Variants in NCAM1 observed in about 807,000 individuals in gnomAD.
NCAM1 encodes the protein neural cell adhesion molecule 1, also known as antigen recognized by monoclonal antibody 5.1H11.
In NCAM1, 14 loss-of-function variants were observed where a neutral mutation model predicts 109.8. That is an observed-to-expected ratio of 0.13 (90% CI 0.08 to 0.20). NCAM1 has a LOEUF of 0.20. Ranked by LOEUF, NCAM1 falls within the 10% of genes least tolerant of loss-of-function variation. The pLI, the probability that NCAM1 is intolerant of heterozygous loss-of-function variation, is 1.00. For synonymous variants in NCAM1, 418 were observed against 442.9 expected, an observed-to-expected ratio of 0.94 and a Z score of 0.70; for missense variants, 774 against 1,109.9, an observed-to-expected ratio of 0.70 and a Z score of 4.30.
intron 17 of NCAM1, among the ~76,000 whole-genome samples, chr11:113,268,843 T>C (rs912933004): frequency 6.6e-6 from 1 of 151,826 alleles, no homozygotes; most frequent in South Asian, 2.1e-4. Flanking sequence ...GCGAGCTGGG[T>C]TGGGAGTGGG....
At chr11:113,180,905 G>A (rs905522698) in intron 1 of NCAM1, among the ~76,000 whole-genome samples, 1 of 152,196 alleles carries the variant, frequency 6.6e-6, no homozygotes, top group African/African-American at 2.4e-5. Flanking sequence ...ACCATGCTGC[G>A]TCCCAGAGAT....
chr11:113,010,679 G>A (rs1216319018), intron 1 of NCAM1, among the ~76,000 whole-genome samples: 2 of 152,124 alleles, frequency 1.3e-5, no homozygotes, highest in Non-Finnish European at 2.9e-5. Flanking sequence ...AAAGTCAGTT[G>A]GCGAGAGTAC....
intron 14 of NCAM1, among the ~76,000 whole-genome samples, chr11:113,237,170 C>A (rs1945191014): frequency 6.6e-6 from 1 of 152,092 alleles, no homozygotes; most frequent in Non-Finnish European, 1.5e-5. Context: ...TGTGGTTTGA[C>A]CCCATTAGCC....
At chr11:113,029,708 T>C (rs1013703824) in intron 1 of NCAM1, among the ~76,000 whole-genome samples, 12 of 152,222 alleles carry the variant, frequency 7.9e-5, no homozygotes, top group Non-Finnish European at 1.6e-4. Flanking sequence ...CATGCTTTTT[T>C]TAAACATAAG....
At chr11:113,001,700 G>C (rs879972518) in intron 1 of NCAM1, among the ~76,000 whole-genome samples, 4 of 152,144 alleles carry the variant, frequency 2.6e-5, no homozygotes, top group African/African-American at 9.7e-5. Context: ...CTGGTGTGGT[G>C]CCTAACCTTG....
At chr11:113,269,980 T>C (rs1946229663) in intron 17 of NCAM1, 1 of 591,490 alleles carries the variant, frequency 1.7e-6, no homozygotes, top group South Asian at 2.0e-5. Context: ...TGTGAGATGA[T>C]GTTGTCATCC....
intron 9 of NCAM1, among the ~76,000 whole-genome samples, chr11:113,229,344 A>G (rs560802412): frequency 0.013 from 2,013 of 152,372 alleles, 31 homozygotes; most frequent in African/African-American, 0.039. Flanking sequence ...GCTCATCATC[A>G]CTGGCCATCA....
chr11:113,023,638 G>A (rs782071881), intron 1 of NCAM1, among the ~76,000 whole-genome samples: 19 of 152,116 alleles, frequency 1.2e-4, no homozygotes, highest in Non-Finnish European at 2.9e-5. Context: ...TTAGGGTCCC[G>A]TTTTCCTCTG....
At chr11:113,098,024 G>T (rs1939689503) in intron 1 of NCAM1, among the ~76,000 whole-genome samples, 1 of 152,130 alleles carries the variant, frequency 6.6e-6, no homozygotes, top group Admixed American at 6.5e-5. Context: ...ATGTATGAGA[G>T]AAAAATTTTC....
intron 1 of NCAM1, among the ~76,000 whole-genome samples, chr11:113,162,132 G>A (rs1433798174): frequency 1.3e-5 from 2 of 152,174 alleles, no homozygotes; most frequent in Non-Finnish European, 2.9e-5. Flanking sequence ...TCCTTGGGGG[G>A]AGGAGCAGCC....
At chr11:113,046,597 C>T (rs1421806266) in intron 1 of NCAM1, among the ~76,000 whole-genome samples, 1 of 152,058 alleles carries the variant, frequency 6.6e-6, no homozygotes, top group Non-Finnish European at 1.5e-5. Flanking sequence ...TTGATGTTAG[C>T]AACATTGCAG....
At chr11:113,093,426 TTTTTTTTCA>T (rs1939450541) in intron 1 of NCAM1, among the ~76,000 whole-genome samples, 1 of 148,138 alleles carries the variant, frequency 6.8e-6, no homozygotes, top group Non-Finnish European at 1.5e-5. Context: ...ATGGGAGACT[TTTTTTTTCA>T]TTTTATTCTC....
intron 1 of NCAM1, among the ~76,000 whole-genome samples, chr11:113,036,675 C>T (rs2135391078): frequency 6.6e-6 from 1 of 152,266 alleles, no homozygotes; most frequent in South Asian, 2.1e-4. Context: ...AACCCTCTTT[C>T]CTTGGAGCCC....
At chr11:113,220,625 T>TG (rs1491209618) in intron 8 of NCAM1, among the ~76,000 whole-genome samples, 2 of 128,260 alleles carry the variant, frequency 1.6e-5, no homozygotes, top group East Asian at 5.2e-4. Context: ...TTTTTTTTTT[T>TG]GAGACAGAGT....
At chr11:113,014,465 C>T (rs1321271071) in intron 1 of NCAM1, among the ~76,000 whole-genome samples, 4 of 152,132 alleles carry the variant, frequency 2.6e-5, no homozygotes, top group African/African-American at 9.7e-5. Flanking sequence ...CCAGCATCAC[C>T]CCTGACACAA....
At chr11:113,210,775 A>C (rs3222351) in intron 7 of NCAM1, among the ~76,000 whole-genome samples, 214 of 130,932 alleles carry the variant, frequency 1.6e-3, no homozygotes, top group Middle Eastern at 4.0e-3. Flanking sequence ...CTTCATCACA[A>C]ACACACACAC....
chr11:113,080,465 CTT>C (rs200415631), intron 1 of NCAM1, among the ~76,000 whole-genome samples: 7 of 140,858 alleles, frequency 5.0e-5, no homozygotes, highest in South Asian at 4.6e-4. Context: ...GGTTTTTTTT[CTT>C]TTTTTTTTTT....
intron 9 of NCAM1, among the ~76,000 whole-genome samples, chr11:113,229,073 A>G (rs1277668678): frequency 6.6e-6 from 1 of 152,198 alleles, no homozygotes; most frequent in Non-Finnish European, 1.5e-5. Flanking sequence ...AAAAGCCAAA[A>G]TTGACAAATG....
At chr11:113,126,591 T>G (rs975534220) in intron 1 of NCAM1, among the ~76,000 whole-genome samples, 4 of 152,254 alleles carry the variant, frequency 2.6e-5, no homozygotes, top group African/African-American at 9.6e-5. Flanking sequence ...CAGTTCATTT[T>G]TCTCATAATT....
Sources: gnomAD v4.1 joint callset for allele counts (sites outside exome capture counted in the v4.1 genomes callset) on GRCh38, gnomAD v4.1.1 for gene constraint, MANE v1.5 for transcripts, NCBI Gene and HGNC (gene_info 2026-07-23, HGNC 2026-07-21) for gene names.